NLRP9: variants seen among roughly 807,000 people sequenced by gnomAD.
The protein encoded by NLRP9 is NACHT, LRR and PYD domains-containing protein 9.
A neutral mutation model predicts 83.1 loss-of-function variants in NLRP9; 88 were observed. The observed-to-expected ratio is 1.06, with a 90% CI of 0.89 to 1.26. NLRP9 has a LOEUF of 1.26. Among genes scored for constraint, NLRP9 ranks in the 50% most tolerant of loss-of-function variants. NLRP9 has a pLI of 0.00. For synonymous variants in NLRP9, 521 were observed against 447.6 expected (o/e 1.16, Z -2.07); for missense variants, 1,308 against 1,179.3 (o/e 1.11, Z -1.60).
chr19:55,711,097 AC>A (rs1174120009), intron 8 of NLRP9, among the ~76,000 whole-genome samples: 17 of 123,818 alleles, frequency 1.4e-4, no homozygotes, highest in African/African-American at 3.5e-4. Context: ...AAAAAACAAA[AC>A]AAAACAAAAC....
chr19:55,732,055 C>T lies in NLRP9; in HGVS notation c.1776G>A (p.Thr592=), dbSNP rs750216746. ...SFCLKHCQHL[T]TLRMCVENIF... The stretch of plus-strand genomic sequence containing the variant: ...TATTCTCCACACACATGCGAAGTGT[C>T]GTTAAATGTTGACAATGCTTCAGGC... The change falls in exon 2 of 9, where the codon ACG becomes ACA. Residue 592 remains threonine, a synonymous_variant. Transcript: ENST00000332836. 19 of 1,604,120 alleles carry T rather than the reference C, an allele frequency of 1.2e-5. No individual in the cohort carries two copies. Among genetic ancestry groups the T allele is most frequent in the African/African-American group, 8.1e-5 (6 of 74,288 alleles).
In NLRP9 at chr19:55,712,565, C is replaced by T. The variant is rs775605890; in HGVS notation, c.2527G>A (p.Asp843Asn). The T allele has an allele frequency of 1.6e-5, 26 of 1,612,122 alleles. No individual in the cohort carries two copies. Among genetic ancestry groups the T allele is most frequent in the African/African-American group, 5.4e-5 (4 of 74,734 alleles). Residue 843 changes from aspartate (D) to asparagine (N), a missense_variant, in exon 7 of 9, where the codon GAT (aspartate) becomes AAT (asparagine). Physicochemically the swap from Asp to Asn is conservative, Grantham distance 23 (BLOSUM62 1). Transcript: ENST00000332836. ...LWLMGCFLTS[D>N]SCKDIAAVLI... ...ACAGCAGCAATGTCCTTACAGGAAT[C>T]GGAAGTAAGGAAACAGCCCATCAAC...
At chr19:55,710,419 C>T (rs1467452623) in intron 8 of NLRP9, among the ~76,000 whole-genome samples, 3 of 152,064 alleles carry the variant, frequency 2.0e-5, no homozygotes, top group African/African-American at 4.8e-5. Flanking sequence ...TTGGGGTCCT[C>T]CCTAGACATT....
At chr19:55,731,719 G>A (rs1410695828) in intron 2 of NLRP9, among the ~76,000 whole-genome samples, 19 of 51,152 alleles carry the variant, frequency 3.7e-4, no homozygotes, top group Admixed American at 1.7e-3. Context: ...GCAAGACTCC[G>A]TCTCAAAAAA....
intron 4 of NLRP9, among the ~76,000 whole-genome samples, chr19:55,722,962 C>G (rs914840402): frequency 4.0e-5 from 6 of 151,726 alleles, no homozygotes; most frequent in African/African-American, 1.2e-4. Context: ...CACATGGACA[C>G]AGGGAGGGGA....
intron 3 of NLRP9, 108 bp from the exon 4 acceptor site, chr19:55,724,252 G>C: frequency 1.5e-6 from 1 of 689,384 alleles, no homozygotes; most frequent in Non-Finnish European, 2.3e-6. Context: ...TCACCACACT[G>C]TTTCTGGAAT....
intron 4 of NLRP9, among the ~76,000 whole-genome samples, chr19:55,717,976 C>T (rs1988084907): frequency 6.6e-6 from 1 of 152,152 alleles, no homozygotes; most frequent in Admixed American, 6.6e-5. Flanking sequence ...TAAGAAACTC[C>T]ACTTTGATCT....
At chr19:55,715,961 T>C (rs1482055487) in intron 5 of NLRP9, among the ~76,000 whole-genome samples, 1 of 152,246 alleles carries the variant, frequency 6.6e-6, no homozygotes, top group African/African-American at 2.4e-5. Flanking sequence ...TTAAGTGCTC[T>C]AGTCACAAAA....
chr19:55,710,486 C>T (rs1029682059), intron 8 of NLRP9, among the ~76,000 whole-genome samples: 2 of 152,092 alleles, frequency 1.3e-5, no homozygotes, highest in African/African-American at 2.4e-5. Context: ...TTGTAATCCC[C>T]AATGTTGGAG....
In NLRP9 at chr19:55,711,906, T is replaced by C; in HGVS notation, c.2737A>G (p.Lys913Glu). ...DDIAAALIAC[K>E]TLRSLNLDWI... Reference sequence around the variant, plus strand: ...TCGAGGTTCAGGCTCCTCAGTGTTTTGCAGGCGATGAGTGCTGCGGCGATG... The same window carrying C: ...TCGAGGTTCAGGCTCCTCAGTGTTTCGCAGGCGATGAGTGCTGCGGCGATG... Residue 913 changes from lysine (K) to glutamate (E), a missense_variant, in exon 8 of 9, where the codon AAA (lysine) becomes GAA (glutamate). Transcript: ENST00000332836. The C allele has an allele frequency of 4.3e-6, 7 of 1,613,318 alleles. No homozygotes were observed. Among genetic ancestry groups the C allele is most frequent in the Non-Finnish European group, 5.9e-6 (7 of 1,179,960 alleles).
chr19:55,716,528 G>A lies in NLRP9; in HGVS notation c.2330+200C>T, dbSNP rs150447972. Among the ~76,000 whole-genome samples, 262 of 152,146 alleles carry A rather than the reference G, an allele frequency of 1.7e-3. 4 individuals are homozygous for A. The East Asian group carries it at 0.02, about 12-fold the overall frequency. ...CCCGCCTCAGCTTCTCAAAGTGCTG[G>A]GATTACAGGCATGAGCCACCACGCC... On this transcript the variant is annotated intron_variant, in intron 5 of 8. Coordinates refer to ENST00000332836, the MANE Select transcript of NLRP9 (RefSeq NM_176820.4).
At chr19:55,723,507 G>T (rs1988295219) in intron 4 of NLRP9, among the ~76,000 whole-genome samples, 1 of 152,056 alleles carries the variant, frequency 6.6e-6, no homozygotes, top group South Asian at 2.1e-4. Flanking sequence ...CGGGCAGATT[G>T]GTTGAGACCA....
intron 1 of NLRP9, chr19:55,737,734 TAAAAAA>T (rs57736610): frequency 0.026 from 2,119 of 80,252 alleles, 80 homozygotes; most frequent in African/African-American, 0.093. Flanking sequence ...ACCCTTTCTC[TAAAAAA>T]AAAAAAAAAA....
At chr19:55,717,110 C>T (rs578016101) in intron 4 of NLRP9, among the ~76,000 whole-genome samples, 62 of 151,184 alleles carry the variant, frequency 4.1e-4, no homozygotes, top group Non-Finnish European at 5.0e-4. Context: ...CTCGGCTCAC[C>T]GCAACCTCCA....
At chr19:55,731,924 C>A (rs930385418) in intron 2 of NLRP9, 75 bp downstream of exon 2, 2 of 920,496 alleles carry the variant, frequency 2.2e-6, no homozygotes, top group South Asian at 1.7e-5. Context: ...GCATAAGGCC[C>A]ATGAAATACC....
intron 1 of NLRP9, among the ~76,000 whole-genome samples, chr19:55,737,119 T>C (rs1988804896): frequency 6.6e-6 from 1 of 151,904 alleles, no homozygotes; most frequent in Non-Finnish European, 1.5e-5. Context: ...GAGGAGGGTG[T>C]AGACCCCATC....
In NLRP9 at chr19:55,723,354, A is replaced by AG. The variant is rs1347551061; in HGVS notation, c.2159+625dup. Among the ~76,000 whole-genome samples the AG allele has an allele frequency of 4.7e-5, 7 of 147,964 alleles. No individual in the cohort carries two copies. The East Asian group carries it at 1.2e-3, about 25-fold the overall frequency. ...GTTTCAAGTTTCTATAAATATCTTT[A>AG]GGGAAAAAAAAATGTTGTTCTTGTT... On this transcript the variant is annotated intron_variant, in intron 4 of 8. Coordinates refer to ENST00000332836, the MANE Select transcript of NLRP9 (RefSeq NM_176820.4).
At chr19:55,714,172 T>A (rs2122287004) in intron 6 of NLRP9, among the ~76,000 whole-genome samples, 1 of 152,094 alleles carries the variant, frequency 6.6e-6, no homozygotes, top group Admixed American at 6.6e-5. Context: ...AGGGAATGAA[T>A]GAGTCTCACG....
chr19:55,711,092 AC>A lies in NLRP9; in HGVS notation c.2843+707del, dbSNP rs200361240. Among the ~76,000 whole-genome samples the A allele has an allele frequency of 6.6e-4, 79 of 119,708 alleles. 1 individual carries two copies. The highest frequency in any genetic ancestry group is 1.2e-3 in the African/African-American group (28 of 24,030). The allele number at this position is 119,708 out of a possible 152,430, so 78.5% of individuals were successfully genotyped here. A position where few individuals can be genotyped will look rare whatever the true frequency, so the allele number is the denominator to read the frequency against. ...CAGAGCAAGACTCTGCCTCAAAAAAACAAAACAAAACAAAACAAAAAAAAAA... is the reference window on the plus strand; with the variant it reads ...CAGAGCAAGACTCTGCCTCAAAAAAAAAAACAAAACAAAACAAAAAAAAAA... On this transcript the variant is annotated intron_variant, in intron 8 of 8. Coordinates refer to ENST00000332836, the MANE Select transcript of NLRP9 (RefSeq NM_176820.4).
Sources: allele counts gnomAD v4.1 joint callset (sites outside exome capture counted in the v4.1 genomes callset), GRCh38; gene constraint gnomAD v4.1.1; transcripts MANE v1.5; gene names NCBI Gene and HGNC (gene_info 2026-07-23, HGNC 2026-07-21).